FRMPD3: variants seen among roughly 807,000 people sequenced by gnomAD.
FRMPD3 encodes FERM and PDZ domain-containing protein 3.
A neutral mutation model predicts 97.9 loss-of-function variants in FRMPD3; 42 were observed. That is an observed-to-expected ratio of 0.43 (90% CI 0.34 to 0.55). The LOEUF is 0.55. FRMPD3 is among the 20% of genes least tolerant of loss of function. FRMPD3 has a pLI of 0.03. For missense variants in FRMPD3, 1,303 were observed against 1,457.7 expected (o/e 0.89, Z 1.73); for synonymous variants, 577 against 581.1 (o/e 0.99, Z 0.10).
In FRMPD3 at chrX:107,603,313, C is replaced by G. The variant is rs1924650761; in HGVS notation, c.5274C>G (p.Ser1758=). The G allele has an allele frequency of 9.1e-7, 1 of 1,098,331 alleles. No individual in the cohort carries two copies. Among genetic ancestry groups the G allele is most frequent in the Non-Finnish European group, 1.2e-6 (1 of 840,297 alleles). The allele number at this position is 1,098,331 out of a possible 1,213,427, so 90.5% of individuals were successfully genotyped here. A position where few individuals can be genotyped will look rare whatever the true frequency, so the allele number is the denominator to read the frequency against. ...CAGCCACAGAGCATCCACCAGGCTC[C>G]CCAACTTCGGCGACTGTTATGAGCA... ...AGAATEHPPG[S]PTSATVMSTF... The change falls in exon 15 of 15, where the codon TCC becomes TCG. Residue 1758 remains serine (S), a synonymous_variant. Transcript: ENST00000683843.
In FRMPD3 at chrX:107,503,552, G is replaced by A. The variant is rs200131653; in HGVS notation, c.-7-23030G>A. Among the ~76,000 whole-genome samples the A allele has an allele frequency of 4.5e-5, 5 of 112,069 alleles. No homozygotes were observed. The East Asian group carries it at 1.4e-3, about 31-fold the overall frequency. On this transcript the variant is annotated intron_variant, in intron 1 of 14. Coordinates refer to ENST00000683843, the MANE Select transcript of FRMPD3 (RefSeq NM_001388459.1). ...ATCCCAAGTCTTCGTTATATTTGAG[G>A]GAAAATACCAGAATATCCTCAGGGC...
intron 1 of FRMPD3, among the ~76,000 whole-genome samples, chrX:107,458,016 G>A (rs1267533567): frequency 2.7e-5 from 3 of 112,124 alleles, no homozygotes; most frequent in Non-Finnish European, 5.6e-5. Context: ...AGGTGGGAGT[G>A]TTCTGAAAGC....
At chrX:107,573,812 A>G (rs1291111746) in intron 12 of FRMPD3, among the ~76,000 whole-genome samples, 1 of 112,645 alleles carries the variant, frequency 8.9e-6, no homozygotes. Flanking sequence ...ACTGTGTGGT[A>G]TAGACATAGC....
At position 107,540,381 on chromosome X, in the gene FRMPD3, G is replaced by A. The variant is rs1405819226; in HGVS notation, c.298-5356G>A. 4.5e-5 allele frequency among the ~76,000 whole-genome samples: 5 copies of A among 112,078 alleles called. No individual in the cohort carries two copies. In the East Asian group the frequency reaches 1.4e-3, roughly 31 times the overall value. ...TTCGTTTTTTTTCAGTTACCAAAGC[G>A]GGGCCCTATCTTGTTCTAAAATATT... On this transcript the variant is annotated intron_variant, in intron 4 of 14. Coordinates refer to ENST00000683843, the MANE Select transcript of FRMPD3 (RefSeq NM_001388459.1).
chrX:107,468,189 A>G (rs1207588279), intron 1 of FRMPD3, among the ~76,000 whole-genome samples: 1 of 112,122 alleles, frequency 8.9e-6, no homozygotes, highest in Non-Finnish European at 1.9e-5. Context: ...AGGCATGGGC[A>G]AGAACAATTT....
intron 1 of FRMPD3, among the ~76,000 whole-genome samples, chrX:107,470,232 G>A (rs746370450): frequency 8.9e-6 from 1 of 112,593 alleles, no homozygotes; most frequent in East Asian, 2.8e-4. Flanking sequence ...TCATCTTACA[G>A]TTTCTTTGGA....
chrX:107,604,819 A>G lies in FRMPD3; in HGVS notation c.*1446A>G, dbSNP rs1569433602. ...TGATGTGAGTTTTATAAAGATGTACACTGTGCTTAATCCCTGCCCATCCTT... is the reference window on the plus strand; with the variant it reads ...TGATGTGAGTTTTATAAAGATGTACGCTGTGCTTAATCCCTGCCCATCCTT... On this transcript the variant is annotated 3_prime_UTR_variant, in exon 15 of 15. Transcript: ENST00000683843. The G allele has an allele frequency of 9.0e-6, 1 of 110,968 alleles. No homozygotes were observed. The highest frequency in any genetic ancestry group is 1.9e-5 in the Non-Finnish European group (1 of 52,949). The allele number at this position is 110,968 out of a possible 1,213,427, so 9.1% of individuals were successfully genotyped here.
At chrX:107,518,567 AAC>A (rs1447327049) in intron 1 of FRMPD3, among the ~76,000 whole-genome samples, 1 of 112,280 alleles carries the variant, frequency 8.9e-6, no homozygotes, top group Non-Finnish European at 1.9e-5. Flanking sequence ...AAAAATGAAA[AAC>A]ACAGAAAATA....
rs186663961 is a variant in FRMPD3, at chrX:107,578,986, T to C, written c.1441+2527T>C. On this transcript the variant is annotated intron_variant, in intron 13 of 14. Coordinates refer to ENST00000683843, the MANE Select transcript of FRMPD3 (RefSeq NM_001388459.1). ...GTGAAGGGATTATCCGTTCCTGATA[T>C]TGTAGACTTTTAGGACCAAGGTCCG... Among the ~76,000 whole-genome samples the C allele has an allele frequency of 2.6e-3, 295 of 112,033 alleles. 1 individual carries two copies. Among genetic ancestry groups the C allele is most frequent in the Non-Finnish European group, 4.1e-3 (219 of 53,171 alleles).
At position 107,557,805 on chromosome X, in the gene FRMPD3, A is replaced by C. The variant is rs1468744683; in HGVS notation, c.763-2452A>C. 6.5e-5 allele frequency among the ~76,000 whole-genome samples: 3 copies of C among 46,157 alleles called. No individual in the cohort carries two copies. The African/African-American group carries it at 9.3e-4, about 14-fold the overall frequency. The allele number at this position is 46,157 out of a possible 115,157, so 40.1% of individuals were successfully genotyped here. A position where few individuals can be genotyped will look rare whatever the true frequency, so the allele number is the denominator to read the frequency against. Reference sequence around the variant, plus strand: ...TGTTAAAAATCTGTTGTCTATATATATATATATATATATATATATATATAT... The same window carrying C: ...TGTTAAAAATCTGTTGTCTATATATCTATATATATATATATATATATATAT... On this transcript the variant is annotated intron_variant, in intron 8 of 14. Transcript: ENST00000683843.
At chrX:107,568,526 A>G (rs1232455838) in intron 12 of FRMPD3, among the ~76,000 whole-genome samples, 1 of 100,515 alleles carries the variant, frequency 9.9e-6, no homozygotes, top group African/African-American at 3.7e-5. Flanking sequence ...CCTGGCCAAC[A>G]TGGTGAAATC....
chrX:107,560,166 T>G, intron 8 of FRMPD3, 91 bp from the exon 9 acceptor site: 238 of 1,038,739 alleles, frequency 2.3e-4, no homozygotes, highest in Non-Finnish European at 2.8e-4. Flanking sequence ...ACTGATACTA[T>G]GAGTATTGTC....
chrX:107,536,142 A>G (rs1923226778), intron 4 of FRMPD3, among the ~76,000 whole-genome samples: 2 of 111,559 alleles, frequency 1.8e-5, no homozygotes, highest in Non-Finnish European at 3.8e-5. Flanking sequence ...ACTTGAGGTC[A>G]GGAATTTGAG....
At chrX:107,520,299 A>G (rs971019151) in intron 1 of FRMPD3, among the ~76,000 whole-genome samples, 39 of 110,572 alleles carry the variant, frequency 3.5e-4, no homozygotes, top group Non-Finnish European at 5.9e-4. Context: ...CTTAGGGAAG[A>G]GTAGTCTGCC....
chrX:107,505,433 T>C (rs905603212), intron 1 of FRMPD3, among the ~76,000 whole-genome samples: 2 of 112,214 alleles, frequency 1.8e-5, no homozygotes, highest in African/African-American at 6.5e-5. Flanking sequence ...GCCCTGCTTC[T>C]AGCACAGTGC....
In FRMPD3 at chrX:107,493,211, G is replaced by A. The variant is rs1230474515; in HGVS notation, c.-7-33371G>A. On this transcript the variant is annotated intron_variant, in intron 1 of 14. Coordinates refer to ENST00000683843, the MANE Select transcript of FRMPD3 (RefSeq NM_001388459.1). ...AAAAAAAAAAAAAAAGACACTAGCC[G>A]AAGCAACATTTAGAAATTGGGGAAC... Among the ~76,000 whole-genome samples, 3 of 98,992 alleles carry A rather than the reference G, an allele frequency of 3.0e-5. 1 individual carries two copies. Among genetic ancestry groups the A allele is most frequent in the Non-Finnish European group, 4.0e-5 (2 of 49,513 alleles). 86.0% of individuals were successfully genotyped at this position (98,992 alleles called of 115,157 possible).
At position 107,604,599 on chromosome X, in the gene FRMPD3, C is replaced by T. The variant is rs188765810; in HGVS notation, c.*1226C>T. The T allele has an allele frequency of 7.1e-3, 735 of 104,245 alleles. 5 individuals carry two copies. The highest frequency in any genetic ancestry group is 0.014 in the Middle Eastern group (3 of 219). 8.6% of individuals were successfully genotyped at this position (104,245 alleles called of 1,213,427 possible). A position where few individuals can be genotyped will look rare whatever the true frequency, so the allele number is the denominator to read the frequency against. On this transcript the variant is annotated 3_prime_UTR_variant, in exon 15 of 15. Coordinates refer to ENST00000683843, the MANE Select transcript of FRMPD3 (RefSeq NM_001388459.1). Reference sequence around the variant, plus strand: ...ACCCTCCCCCCACGCCCCCCACCCCCGCAACCTTCCTGGGAGTGAAGACAC... The same window carrying T: ...ACCCTCCCCCCACGCCCCCCACCCCTGCAACCTTCCTGGGAGTGAAGACAC...
chrX:107,556,202 C>A (rs971545257), intron 8 of FRMPD3, among the ~76,000 whole-genome samples: 1 of 111,435 alleles, frequency 9.0e-6, no homozygotes, highest in African/African-American at 3.3e-5. Flanking sequence ...TTCTGACAAC[C>A]TAAAATGTTA....
intron 13 of FRMPD3, among the ~76,000 whole-genome samples, chrX:107,590,032 G>A (rs1923833330): frequency 8.9e-6 from 1 of 111,978 alleles, no homozygotes; most frequent in African/African-American, 3.2e-5. Context: ...GCGTGCGCCT[G>A]TAGTCCCAGC....
Sources: allele counts gnomAD v4.1 joint callset (sites outside exome capture counted in the v4.1 genomes callset), GRCh38; gene constraint gnomAD v4.1.1; transcripts MANE v1.5; gene names NCBI Gene and HGNC (gene_info 2026-07-23, HGNC 2026-07-21).